The following GABRA5 variants were observed in gnomAD, a reference collection of about 807,000 sequenced individuals.
GABRA5 encodes the protein gamma-aminobutyric acid receptor subunit alpha-5.
A neutral mutation model predicts 47.3 loss-of-function variants in GABRA5; 18 were observed. The ratio of observed to expected loss-of-function variants is 0.38; its 90% CI spans 0.26 to 0.56. The LOEUF is 0.56. GABRA5 is among the 20% of genes least tolerant of loss of function. The pLI, the probability that GABRA5 is intolerant of heterozygous loss-of-function variation, is 0.71. For missense variants in GABRA5, 365 were observed against 599.3 expected, an observed-to-expected ratio of 0.61 and a Z score of 4.08; for synonymous variants, 237 against 229.3, an observed-to-expected ratio of 1.03 and a Z score of -0.30.
chr15:26,946,780 T>G (rs547066939), intron 10 of GABRA5, among the ~76,000 whole-genome samples: 2 of 45,330 alleles, frequency 4.4e-5, no homozygotes, highest in South Asian at 4.7e-4. Context: ...CTGTTTAGAA[T>G]TTTATATCCA....
chr15:26,940,154 C>A, intron 9 of GABRA5, 77 bp downstream of exon 9: 2 of 1,285,022 alleles, frequency 1.6e-6, no homozygotes, highest in Non-Finnish European at 2.2e-6. Context: ...CAGCAACAAC[C>A]TCCACGAAAC....
chr15:26,873,289 A>T (rs1468388415), intron 3 of GABRA5, among the ~76,000 whole-genome samples: 1 of 152,244 alleles, frequency 6.6e-6, no homozygotes, highest in Non-Finnish European at 1.5e-5. Context: ...CTGATAGACC[A>T]GTGACAATTG....
At chr15:26,930,895 C>CTTTTTTTTTTTTTTTTTT (rs555799476) in intron 7 of GABRA5, among the ~76,000 whole-genome samples, 6 of 115,036 alleles carry the variant, frequency 5.2e-5, no homozygotes, top group Non-Finnish European at 7.0e-5. Flanking sequence ...TCTTTCTTTT[C>CTTTTTTTTTTTTTTTTTT]TTTTTTTTTT....
rs1349302517 is a variant in GABRA5 at position 26,867,205 on chromosome 15, G to A, written c.-140+94G>A. On this transcript the variant is annotated intron_variant, in intron 1 of 10. Coordinates refer to ENST00000335625, the MANE Select transcript of GABRA5 (RefSeq NM_000810.4). This position sits in a 1 kb window ranked among gnomAD's most constrained non-coding sequence, Gnocchi z 5.9. ...GCGGCGCGGAGCGGAGCTGCAGGGC[G>A]GCGGCGGGAGCGCGGGGCGCAAGAG... 1 of 149,764 alleles carries A rather than the reference G, an allele frequency of 6.7e-6. No homozygotes were observed. Among genetic ancestry groups the A allele is most frequent in the East Asian group, 2.0e-4 (1 of 5,110 alleles). 9.3% of individuals were successfully genotyped at this position (149,764 alleles called of 1,614,324 possible). A position where few individuals can be genotyped will look rare whatever the true frequency, so the allele number is the denominator to read the frequency against.
chr15:26,943,276 A>G lies in GABRA5; in HGVS notation c.939A>G (p.Lys313=). 6.4e-7 allele frequency: 1 copy of G among 1,571,288 alleles called. No individual in the cohort carries two copies. Among genetic ancestry groups the G allele is most frequent in the Non-Finnish European group, 8.6e-7 (1 of 1,158,472 alleles). Residue 313 remains lysine, a synonymous_variant, in exon 10 of 11, where the codon AAA becomes AAG. Transcript: ENST00000335625. ...TCAGCGCCAGGAACTCTCTGCCCAA[A>G]GTGGCCTACGCCACCGCCATGGACT... The part of the protein sequence containing the change: ...LSISARNSLP[K]VAYATAMDWF...
intron 7 of GABRA5, 77 bp from the exon 8 acceptor site, chr15:26,937,107 CT>C: frequency 6.5e-7 from 1 of 1,535,418 alleles, no homozygotes. Flanking sequence ...TCTCTTGCTA[CT>C]TTAGTAAAAG....
chr15:26,874,383 G>C (rs1251018049), intron 3 of GABRA5, among the ~76,000 whole-genome samples: 1 of 152,040 alleles, frequency 6.6e-6, no homozygotes, highest in African/African-American at 2.4e-5. Context: ...AAGAGCTCAG[G>C]TGTTAGAGCT....
At chr15:26,919,029 G>A (rs1893779917) in intron 7 of GABRA5, among the ~76,000 whole-genome samples, 1 of 152,134 alleles carries the variant, frequency 6.6e-6, no homozygotes, top group Admixed American at 6.5e-5. Context: ...TGTAGTCACA[G>A]CTATTTGGGA....
chr15:26,943,420 G>A lies in GABRA5; in HGVS notation c.1083G>A (p.Lys361=), dbSNP rs1233055146. ...WDGKKALEAA[K]IKKKREVILN... The stretch of plus-strand genomic sequence containing the variant: ...GCAAAAAAGCCTTGGAAGCAGCCAA[G>A]ATCAAGGTACTGACTATTTCTCCTC... Residue 361 remains lysine (K), a synonymous_variant, in exon 10 of 11, where the codon AAG becomes AAA. Transcript: ENST00000335625. The A allele has an allele frequency of 2.5e-6, 4 of 1,585,762 alleles. No individual in the cohort carries two copies. Among genetic ancestry groups the A allele is most frequent in the Non-Finnish European group, 2.6e-6 (3 of 1,165,676 alleles).
intron 8 of GABRA5, among the ~76,000 whole-genome samples, chr15:26,937,990 T>C (rs1181444459): frequency 6.6e-6 from 1 of 152,094 alleles, no homozygotes; most frequent in Non-Finnish European, 1.5e-5. Flanking sequence ...GATTTTGAGC[T>C]CCAAAGAGCC....
At chr15:26,908,875 C>A (rs1893511470) in intron 6 of GABRA5, among the ~76,000 whole-genome samples, 1 of 152,284 alleles carries the variant, frequency 6.6e-6, no homozygotes, top group Non-Finnish European at 1.5e-5. Flanking sequence ...GAGCTACTTA[C>A]AAATTGGCTA....
chr15:26,876,296 C>T (rs1232665493), intron 3 of GABRA5, among the ~76,000 whole-genome samples: 4 of 152,216 alleles, frequency 2.6e-5, no homozygotes, highest in Non-Finnish European at 5.9e-5. Context: ...GAGGTGTTTC[C>T]ATACTTTGGG....
intron 6 of GABRA5, among the ~76,000 whole-genome samples, chr15:26,905,580 T>C (rs1424524436): frequency 6.6e-6 from 1 of 152,072 alleles, no homozygotes; most frequent in African/African-American, 2.4e-5. Context: ...CCCTTTCTTC[T>C]TTTTCTCTTG....
At chr15:26,874,857 A>G (rs936315667) in intron 3 of GABRA5, among the ~76,000 whole-genome samples, 3 of 152,238 alleles carry the variant, frequency 2.0e-5, no homozygotes, top group Non-Finnish European at 4.4e-5. Context: ...TTGGGCCATC[A>G]CTGTACTGTC....
intron 7 of GABRA5, among the ~76,000 whole-genome samples, chr15:26,932,095 C>T (rs1894122231): frequency 6.6e-6 from 1 of 152,098 alleles, no homozygotes; most frequent in African/African-American, 2.4e-5. Context: ...AAAGCAGTTT[C>T]AAAAAATGCA....
intron 6 of GABRA5, among the ~76,000 whole-genome samples, chr15:26,906,859 G>C (rs1436263351): frequency 2.0e-5 from 3 of 152,100 alleles, no homozygotes; most frequent in Non-Finnish European, 4.4e-5. Context: ...TTAGAAAAAA[G>C]CAACAGCTAT....
chr15:26,923,441 T>C (rs553737286), intron 7 of GABRA5, among the ~76,000 whole-genome samples: 1 of 152,242 alleles, frequency 6.6e-6, no homozygotes, highest in African/African-American at 2.4e-5. Context: ...AGGTTTCTGA[T>C]GAGAAATCTG....
At chr15:26,911,878 G>A (rs1403647661) in intron 6 of GABRA5, among the ~76,000 whole-genome samples, 1 of 152,186 alleles carries the variant, frequency 6.6e-6, no homozygotes, top group Admixed American at 6.5e-5. Flanking sequence ...ACATGGCAGT[G>A]TCTGGAGAGA....
At chr15:26,914,722 G>A in intron 6 of GABRA5, 81 bp from the exon 7 acceptor site, 1 of 1,054,082 alleles carries the variant, frequency 9.5e-7, no homozygotes, top group Non-Finnish European at 1.5e-6. Flanking sequence ...TACTTAATAT[G>A]GCTTTCTGGG....
Sources: gnomAD v4.1 joint callset for allele counts (sites outside exome capture counted in the v4.1 genomes callset) on GRCh38, gnomAD v4.1.1 for gene constraint, Gnocchi (gnomAD v3.1) non-coding constraint, MANE v1.5 for transcripts, NCBI Gene and HGNC (gene_info 2026-07-23, HGNC 2026-07-21) for gene names.